The following SOCS7 variants were observed in gnomAD, a reference collection of about 807,000 sequenced individuals.
SOCS7 encodes the protein NAP-4.
SOCS7 carries 18 observed loss-of-function variants against 58.9 expected under a neutral mutation model. That is an observed-to-expected ratio of 0.31 (90% CI 0.21 to 0.45). The LOEUF is 0.45. Ranked by LOEUF, SOCS7 falls within the 20% of genes least tolerant of loss-of-function variation. SOCS7 has a pLI of 1.00. For missense variants in SOCS7, 667 were observed against 837.3 expected (o/e 0.80, Z 2.51); for synonymous variants, 388 against 364.3 (o/e 1.06, Z -0.74).
rs1567738554 is a variant in SOCS7, at chr17:38,365,332, C to T, written c.1175C>T (p.Thr392Ile). ...LLDDISGTLP[T>I]SVLVAPMGSS... is the part of the protein sequence containing the mutation. Reference sequence around the variant, plus strand: ...GATGATATCAGTGGGACGCTGCCTACATCTGTCCTTGTGGCTCCGATGGGG... The same window carrying T: ...GATGATATCAGTGGGACGCTGCCTATATCTGTCCTTGTGGCTCCGATGGGG... Residue 392 changes from threonine (T) to isoleucine (I), a missense_variant, in exon 4 of 10, where the codon ACA (threonine) becomes ATA (isoleucine). Around this residue, in one of 9 missense-constraint regions of SOCS7, gnomAD observed 99 missense variants for 122.9 expected, o/e 0.81. Coordinates refer to ENST00000612932, the MANE Select transcript of SOCS7 (RefSeq NM_014598.4). The T allele has an allele frequency of 1.2e-6, 2 of 1,613,260 alleles. No homozygotes were observed. The highest frequency in any genetic ancestry group is 1.7e-6 in the Non-Finnish European group (2 of 1,179,592).
chr17:38,367,793 A>G (rs1364393169), intron 5 of SOCS7, 89 bp from the exon 6 acceptor site: 9 of 1,193,700 alleles, frequency 7.5e-6, no homozygotes, highest in Non-Finnish European at 1.1e-5. Context: ...GAGAATGCAG[A>G]GGGTTCTCCC....
In SOCS7 at chr17:38,352,593, C is replaced by T; in HGVS notation, c.541C>T (p.Leu181=). Residue 181 remains leucine, a synonymous_variant, in exon 1 of 10, where the codon CTG becomes TTG. Coordinates refer to ENST00000612932, the MANE Select transcript of SOCS7 (RefSeq NM_014598.4). This position sits in a 1 kb window ranked among gnomAD's most constrained non-coding sequence, Gnocchi z 5.5. ...PTETSDALLV[L]EGLESEAESL... is the part of the protein sequence containing the mutation. ...GGAAACGAGCGACGCGCTGCTGGTCCTGGAGGGCTTGGAATCGGAGGCCGA... is the reference window on the plus strand; with the variant it reads ...GGAAACGAGCGACGCGCTGCTGGTCTTGGAGGGCTTGGAATCGGAGGCCGA... 6 of 1,550,074 alleles carry T rather than the reference C, an allele frequency of 3.9e-6. No individual in the cohort carries two copies. Among genetic ancestry groups the T allele is most frequent in the Non-Finnish European group, 4.4e-6 (5 of 1,146,856 alleles).
rs542675121 is a variant in SOCS7, at chr17:38,368,900, G to A, written c.1552+850G>A. Among the ~76,000 whole-genome samples the A allele has an allele frequency of 3.9e-5, 6 of 152,170 alleles. No homozygotes were observed. In the South Asian group the frequency reaches 1.2e-3, roughly 32 times the overall value. ...TTCATTAAAATGTTGAGAGTTTGTG[G>A]GATCAACATGCTTTAGACTATCTGC... On this transcript the variant is annotated intron_variant, in intron 6 of 9. Coordinates refer to ENST00000612932, the MANE Select transcript of SOCS7 (RefSeq NM_014598.4).
rs60453610 is a variant in SOCS7 at position 38,352,804 on chromosome 17, A to AACC, written c.753_755dup (p.Pro259dup). The AACC allele has an allele frequency of 3.9e-5, 61 of 1,553,560 alleles. No individual in the cohort carries two copies. The highest frequency in any genetic ancestry group is 7.3e-5 in the East Asian group (3 of 41,128). On this transcript the variant is annotated inframe_insertion, in exon 1 of 10. Transcript: ENST00000612932. The surrounding 1 kb of genome is among the most constrained non-coding windows in gnomAD (Gnocchi z 5.5). Reference sequence around the variant, plus strand: ...GAGCAGCAGCAGCAGCAGCAGCAGCAACCTCCCCCGCCCCCGCCTCCTCCC... The same window carrying AACC: ...GAGCAGCAGCAGCAGCAGCAGCAGCAACCACCTCCCCCGCCCCCGCCTCCTCCC...
intron 2 of SOCS7, among the ~76,000 whole-genome samples, chr17:38,363,332 C>A (rs2037745043): frequency 1.3e-5 from 2 of 152,132 alleles, no homozygotes. Flanking sequence ...AGAACTTCCA[C>A]TGATGGCTTT....
At chr17:38,387,734 A>G (rs1183135011) in intron 7 of SOCS7, among the ~76,000 whole-genome samples, 1 of 125,024 alleles carries the variant, frequency 8.0e-6, no homozygotes, top group African/African-American at 3.7e-5. Flanking sequence ...TATTATATAC[A>G]TATAAAATTC....
At chr17:38,356,424 C>T (rs912729282) in intron 1 of SOCS7, among the ~76,000 whole-genome samples, 1 of 151,758 alleles carries the variant, frequency 6.6e-6, no homozygotes, top group East Asian at 2.0e-4. Flanking sequence ...GTTGCCCATG[C>T]TGGAGTGCAG....
At chr17:38,391,423 C>T (rs2038172113) in intron 7 of SOCS7, among the ~76,000 whole-genome samples, 1 of 152,164 alleles carries the variant, frequency 6.6e-6, no homozygotes, top group Non-Finnish European at 1.5e-5. Flanking sequence ...CAGGGTCTTA[C>T]CCTATCACTC....
In SOCS7 at chr17:38,403,409, G is replaced by C. The variant is rs996160838; in HGVS notation, c.*3927G>C. On this transcript the variant is annotated 3_prime_UTR_variant, in exon 10 of 10. Coordinates refer to ENST00000612932, the MANE Select transcript of SOCS7 (RefSeq NM_014598.4). The stretch of plus-strand genomic sequence containing the variant: ...GTCAGCCCTCACCCCAGGGCCCCCA[G>C]GAAAGCATGGCCTGCTTGAAGCCCT... 6.6e-6 allele frequency: 1 copy of C among 152,324 alleles called. No homozygotes were observed. Among genetic ancestry groups the C allele is most frequent in the African/African-American group, 2.4e-5 (1 of 41,430 alleles). 9.4% of individuals were successfully genotyped at this position (152,324 alleles called of 1,614,324 possible).
chr17:38,399,661 C>G lies in SOCS7; in HGVS notation c.*179C>G, dbSNP rs145907745. ...CTGGGGCTTGGAAGAAGCACATGAC[C>G]GTACTCTGCGTGGGGCTCCACCTCA... On this transcript the variant is annotated 3_prime_UTR_variant, in exon 10 of 10. Coordinates refer to ENST00000612932, the MANE Select transcript of SOCS7 (RefSeq NM_014598.4). 1 of 152,618 alleles carries G rather than the reference C, an allele frequency of 6.6e-6. No individual in the cohort carries two copies. Among genetic ancestry groups the G allele is most frequent in the African/African-American group, 2.4e-5 (1 of 41,430 alleles). The allele number at this position is 152,618 out of a possible 1,614,324, so 9.5% of individuals were successfully genotyped here. A position where few individuals can be genotyped will look rare whatever the true frequency, so the allele number is the denominator to read the frequency against.
chr17:38,383,039 A>G (rs1270941843), intron 7 of SOCS7, among the ~76,000 whole-genome samples: 1 of 152,056 alleles, frequency 6.6e-6, no homozygotes, highest in South Asian at 2.1e-4. Context: ...TTATGTCTCC[A>G]TATGTCCCTG....
At chr17:38,377,937 C>A in intron 7 of SOCS7, 95 bp downstream of exon 7, 1 of 1,219,966 alleles carries the variant, frequency 8.2e-7, no homozygotes, top group Non-Finnish European at 1.2e-6. Flanking sequence ...CATGGTTAAG[C>A]TTTTTTTCCC....
intron 1 of SOCS7, among the ~76,000 whole-genome samples, chr17:38,358,218 T>G (rs1196820249): frequency 6.6e-6 from 1 of 152,154 alleles, no homozygotes; most frequent in African/African-American, 2.4e-5. Flanking sequence ...GTTAGAGGGG[T>G]ATAACTTTGC....
intron 1 of SOCS7, among the ~76,000 whole-genome samples, chr17:38,358,057 A>G (rs187771730): frequency 9.8e-5 from 15 of 152,332 alleles, no homozygotes; most frequent in Admixed American, 9.8e-4. Flanking sequence ...TTTAGCTGAC[A>G]CAAAGGACTG....
chr17:38,402,589 G>A lies in SOCS7; in HGVS notation c.*3107G>A, dbSNP rs1334826284. 6.6e-6 allele frequency: 1 copy of A among 152,220 alleles called. No homozygotes were observed. The highest frequency in any genetic ancestry group is 1.5e-5 in the Non-Finnish European group (1 of 68,092). The allele number at this position is 152,220 out of a possible 1,614,324, so 9.4% of individuals were successfully genotyped here. On this transcript the variant is annotated 3_prime_UTR_variant, in exon 10 of 10. Transcript: ENST00000612932. ...CTACTAAAATACAAAAATTAGCTGGGCATGGTGGCATGCGCCTGTAGTCCC... is the reference window on the plus strand; with the variant it reads ...CTACTAAAATACAAAAATTAGCTGGACATGGTGGCATGCGCCTGTAGTCCC...
chr17:38,380,205 GC>G (rs1461632171), intron 7 of SOCS7, among the ~76,000 whole-genome samples: 2 of 152,182 alleles, frequency 1.3e-5, no homozygotes, highest in African/African-American at 4.8e-5. Context: ...TGTATTAAGG[GC>G]TAGAGTGTGT....
chr17:38,380,650 T>A (rs1439190000), intron 7 of SOCS7, among the ~76,000 whole-genome samples: 61 of 147,198 alleles, frequency 4.1e-4, no homozygotes, highest in African/African-American at 1.5e-3. Flanking sequence ...AAAATAATAA[T>A]AATAATGATA....
chr17:38,355,147 G>A (rs1369777980), intron 1 of SOCS7, among the ~76,000 whole-genome samples: 1 of 152,186 alleles, frequency 6.6e-6, no homozygotes, highest in Non-Finnish European at 1.5e-5. Context: ...GCAGCATGCT[G>A]TATAGAGAAT....
intron 7 of SOCS7, among the ~76,000 whole-genome samples, chr17:38,383,618 C>T (rs144396996): frequency 2.6e-5 from 4 of 152,188 alleles, no homozygotes; most frequent in East Asian, 1.9e-4. Context: ...AGTGCAGTGG[C>T]GCAATCTCGG....
Sources: gnomAD v4.1 joint callset for allele counts (sites outside exome capture counted in the v4.1 genomes callset) on GRCh38, gnomAD v4.1.1 for gene constraint, gnomAD v4.1.1 regional missense constraint, Gnocchi (gnomAD v3.1) non-coding constraint, MANE v1.5 for transcripts, NCBI Gene and HGNC (gene_info 2026-07-23, HGNC 2026-07-21) for gene names.